TMEFF2: variants seen among roughly 807,000 people sequenced by gnomAD.
TMEFF2 encodes the protein tomoregulin-2.
In TMEFF2, 28 loss-of-function variants were observed where a neutral mutation model predicts 53.8. The ratio of observed to expected loss-of-function variants is 0.52; its 90% CI spans 0.39 to 0.71. The LOEUF is 0.71. Among genes scored for constraint, TMEFF2 ranks in the 30% least tolerant of loss-of-function variants. The probability of loss-of-function intolerance (pLI) is 0.00; values close to 1 mark genes in which losing one functional copy is unlikely to be tolerated. For synonymous variants in TMEFF2, 162 were observed against 166.3 expected (o/e 0.97, Z 0.20); for missense variants, 353 against 455.2 (o/e 0.78, Z 2.04).
intron 5 of TMEFF2, chr2:192,032,228 A>G (rs1409882170): frequency 2.6e-5 from 4 of 152,208 alleles, no homozygotes; most frequent in Non-Finnish European, 4.4e-5. Context: ...TTAATGCCCC[A>G]GAGATTCTCT....
intron 7 of TMEFF2, among the ~76,000 whole-genome samples, chr2:191,975,145 A>G (rs1685683303): frequency 6.6e-6 from 1 of 151,330 alleles, no homozygotes; most frequent in African/African-American, 2.4e-5. Context: ...AAAAATATAT[A>G]GGAAATATAA....
chr2:192,083,715 A>T (rs1688605803), intron 4 of TMEFF2, among the ~76,000 whole-genome samples: 1 of 150,690 alleles, frequency 6.6e-6, no homozygotes, highest in South Asian at 2.1e-4. Flanking sequence ...CTACCCCCTG[A>T]ATCTAGTATG....
chr2:192,031,498 G>A (rs959008879), intron 5 of TMEFF2: 2 of 152,166 alleles, frequency 1.3e-5, no homozygotes, highest in African/African-American at 4.8e-5. Context: ...CATTGTAATT[G>A]AATGCTGAAT....
chr2:192,171,451 C>T (rs544799555), intron 4 of TMEFF2, among the ~76,000 whole-genome samples: 1 of 152,058 alleles, frequency 6.6e-6, no homozygotes, highest in South Asian at 2.1e-4. Context: ...TCTAAAATCA[C>T]CAGTCAGATT....
intron 7 of TMEFF2, among the ~76,000 whole-genome samples, chr2:191,980,025 C>T (rs545106950): frequency 2.6e-5 from 4 of 152,234 alleles, no homozygotes; most frequent in African/African-American, 7.2e-5. Flanking sequence ...AGAGAGGTAG[C>T]TCTCAGTCTT....
chr2:191,966,730 TA>T (rs1404224225), intron 7 of TMEFF2, among the ~76,000 whole-genome samples: 5 of 152,236 alleles, frequency 3.3e-5, no homozygotes, highest in Non-Finnish European at 7.3e-5. Flanking sequence ...AGCTTCAGAA[TA>T]AAACCATGCA....
chr2:192,091,626 A>T (rs187349029), intron 4 of TMEFF2, among the ~76,000 whole-genome samples: 131 of 152,280 alleles, frequency 8.6e-4, no homozygotes, highest in African/African-American at 3.1e-3. Flanking sequence ...TTGCTGGGAG[A>T]ATTTTGCATG....
intron 4 of TMEFF2, among the ~76,000 whole-genome samples, chr2:192,134,756 C>T (rs1001348064): frequency 3.3e-5 from 5 of 152,108 alleles, no homozygotes; most frequent in African/African-American, 4.8e-5. Flanking sequence ...CTGAGAAGGC[C>T]ACCGCAGCCA....
chr2:192,120,232 G>A (rs1271111473), intron 4 of TMEFF2, among the ~76,000 whole-genome samples: 2 of 152,134 alleles, frequency 1.3e-5, no homozygotes, highest in African/African-American at 4.8e-5. Context: ...CTGAACAGAG[G>A]ACTGGCCTTA....
At chr2:192,141,131 G>A (rs1324112143) in intron 4 of TMEFF2, among the ~76,000 whole-genome samples, 1 of 152,030 alleles carries the variant, frequency 6.6e-6, no homozygotes, top group Non-Finnish European at 1.5e-5. Context: ...ACCAGAGAAG[G>A]TGAAGGCTGT....
chr2:192,122,135 T>C (rs1381121616), intron 4 of TMEFF2, among the ~76,000 whole-genome samples: 2 of 152,282 alleles, frequency 1.3e-5, no homozygotes, highest in East Asian at 3.9e-4. Context: ...TTTATAAACA[T>C]ATCAAGGTGT....
At chr2:191,982,682 T>C (rs941395288) in intron 7 of TMEFF2, among the ~76,000 whole-genome samples, 1 of 152,162 alleles carries the variant, frequency 6.6e-6, no homozygotes, top group Non-Finnish European at 1.5e-5. Context: ...TACCAAGATA[T>C]TGCTTGAGTT....
intron 4 of TMEFF2, among the ~76,000 whole-genome samples, chr2:192,082,096 G>A (rs570026264): frequency 6.6e-6 from 1 of 152,116 alleles, no homozygotes; most frequent in East Asian, 1.9e-4. Context: ...CACCGTGCCC[G>A]GCCTATTTCC....
chr2:192,180,471 G>A (rs4853662), intron 3 of TMEFF2, among the ~76,000 whole-genome samples: 130,734 of 151,604 alleles, frequency 0.86, 56,576 homozygotes, highest in East Asian at 1. Context: ...ATCTGCTTCT[G>A]CTTCTTAAGT....
At chr2:191,954,317 T>C (rs900648437) in intron 8 of TMEFF2, among the ~76,000 whole-genome samples, 2 of 152,210 alleles carry the variant, frequency 1.3e-5, no homozygotes, top group Admixed American at 1.3e-4. Flanking sequence ...CAAGATGTCT[T>C]TGTGTTTCTC....
chr2:191,968,241 A>G (rs1692524342), intron 7 of TMEFF2, among the ~76,000 whole-genome samples: 2 of 152,214 alleles, frequency 1.3e-5, no homozygotes, highest in African/African-American at 4.8e-5. Context: ...GATGAGAGTA[A>G]AGGAGCATTG....
At chr2:191,964,388 T>TTCTCTC (rs1444516500) in intron 7 of TMEFF2, among the ~76,000 whole-genome samples, 1 of 43,426 alleles carries the variant, frequency 2.3e-5, no homozygotes, top group Non-Finnish European at 4.5e-5. Flanking sequence ...CTTTCTTTCT[T>TTCTCTC]TCTTTCTTTC....
rs1691141147 is a variant in TMEFF2, at chr2:192,179,776, G to C, written c.413-82C>G. On this transcript the variant is annotated intron_variant, in intron 3 of 9. Transcript: ENST00000272771. ...TTTTAAGCTCAAGTTTATTTTCTTAGTTTAATACTGCAATAATATTGTTTG... is the reference window on the plus strand; with the variant it reads ...TTTTAAGCTCAAGTTTATTTTCTTACTTTAATACTGCAATAATATTGTTTG... 1.6e-5 allele frequency: 20 copies of C among 1,215,930 alleles called. No individual in the cohort carries two copies. The South Asian group carries it at 3.4e-4, about 21-fold the overall frequency. The allele number at this position is 1,215,930 out of a possible 1,614,324, so 75.3% of individuals were successfully genotyped here. A position where few individuals can be genotyped will look rare whatever the true frequency, so the allele number is the denominator to read the frequency against.
At chr2:192,167,934 GTTCA>G (rs916348092) in intron 4 of TMEFF2, among the ~76,000 whole-genome samples, 2 of 152,124 alleles carry the variant, frequency 1.3e-5, no homozygotes, top group Non-Finnish European at 2.9e-5. Context: ...TTCCCTGACA[GTTCA>G]TTCATTCATC....
Sources: gnomAD v4.1 joint callset for allele counts (sites outside exome capture counted in the v4.1 genomes callset) on GRCh38, gnomAD v4.1.1 for gene constraint, MANE v1.5 for transcripts, NCBI Gene and HGNC (gene_info 2026-07-23, HGNC 2026-07-21) for gene names.